SCHIP1: variants seen among roughly 807,000 people sequenced by gnomAD.
SCHIP1 encodes schwannomin interacting protein 1.
A neutral mutation model predicts 29.7 loss-of-function variants in SCHIP1; 8 were observed. The observed-to-expected ratio is 0.27, with a 90% CI of 0.16 to 0.49. SCHIP1 has a LOEUF of 0.49. SCHIP1 is among the 20% of genes least tolerant of loss of function. SCHIP1 has a pLI of 0.99. For missense variants in SCHIP1, 193 were observed against 294.6 expected (o/e 0.66, Z 2.52); for synonymous variants, 76 against 94.9 (o/e 0.80, Z 1.16).
At position 159,881,817 on chromosome 3, in the gene SCHIP1, C is replaced by G. The variant is rs373838352; in HGVS notation, c.150-4390C>G. On this transcript the variant is annotated intron_variant, in intron 2 of 6. Coordinates refer to ENST00000445224, the Ensembl canonical transcript of SCHIP1. ...TTCTCCTTAGGATCCTATAGGTCAGCTGGGTGGTTCTGTTCTGAGCTGGGC... is the reference window on the plus strand; with the variant it reads ...TTCTCCTTAGGATCCTATAGGTCAGGTGGGTGGTTCTGTTCTGAGCTGGGC... 2.0e-5 allele frequency among the ~76,000 whole-genome samples: 3 copies of G among 152,170 alleles called. No individual in the cohort carries two copies. In the South Asian group the frequency reaches 6.2e-4, roughly 32 times the overall value.
chr3:159,486,446 T>C, the SCHIP1 span, among the ~76,000 whole-genome samples: 1 of 152,222 alleles, frequency 6.6e-6, no homozygotes, highest in Non-Finnish European at 1.5e-5. Context: ...GGTTCATCCA[T>C]GTTGTCACAA....
At chr3:159,355,482 A>T in the SCHIP1 span, among the ~76,000 whole-genome samples, 1 of 152,206 alleles carries the variant, frequency 6.6e-6, no homozygotes, top group African/African-American at 2.4e-5. Context: ...ACAAGGTGAC[A>T]TCATATAAGA....
chr3:159,428,312 T>C, the SCHIP1 span, among the ~76,000 whole-genome samples: 2 of 151,782 alleles, frequency 1.3e-5, no homozygotes, highest in African/African-American at 2.4e-5. Context: ...AAAGGGCTAA[T>C]ATCCAGAATC....
At chr3:159,737,664 T>A in the SCHIP1 span, among the ~76,000 whole-genome samples, 20 of 152,358 alleles carry the variant, frequency 1.3e-4, no homozygotes, top group African/African-American at 4.6e-4. Flanking sequence ...GTAACCAAGA[T>A]CTCACAAGTG....
chr3:159,549,450 T>C, the SCHIP1 span, among the ~76,000 whole-genome samples: 1 of 152,166 alleles, frequency 6.6e-6, no homozygotes, highest in African/African-American at 2.4e-5. Context: ...TAAGGTTAAA[T>C]GAGTTCATAA....
the SCHIP1 span, among the ~76,000 whole-genome samples, chr3:159,618,436 G>C: frequency 7.0e-6 from 1 of 142,890 alleles, no homozygotes; most frequent in Middle Eastern, 3.2e-3. Flanking sequence ...TTCATATGCT[G>C]AACTGTTTAG....
At chr3:159,718,503 C>A in the SCHIP1 span, among the ~76,000 whole-genome samples, 1 of 152,210 alleles carries the variant, frequency 6.6e-6, no homozygotes, top group African/African-American at 2.4e-5. Context: ...ATCCCAAAAT[C>A]TCCTTAAGCT....
the SCHIP1 span, among the ~76,000 whole-genome samples, chr3:159,539,702 GGTATCTACT>G: frequency 7.4e-6 from 1 of 135,410 alleles, no homozygotes; most frequent in African/African-American, 2.5e-5. Flanking sequence ...CCATTTTGAC[GGTATCTACT>G]GTATCTACCT....
the SCHIP1 span, among the ~76,000 whole-genome samples, chr3:159,523,994 C>G: frequency 2.0e-5 from 3 of 152,240 alleles, no homozygotes; most frequent in African/African-American, 7.2e-5. Flanking sequence ...CCAGCCCCCA[C>G]TCAGCATTTC....
chr3:159,789,138 G>A, the SCHIP1 span, among the ~76,000 whole-genome samples: 1 of 151,986 alleles, frequency 6.6e-6, no homozygotes, highest in African/African-American at 2.4e-5. Flanking sequence ...TATACAGAGA[G>A]AGAGAGAGAG....
At chr3:159,738,261 A>T in the SCHIP1 span, among the ~76,000 whole-genome samples, 3 of 152,058 alleles carry the variant, frequency 2.0e-5, no homozygotes, top group South Asian at 2.1e-4. Context: ...ACAAAAAAAA[A>T]AAATAAAGAA....
chr3:159,731,037 A>G, the SCHIP1 span, among the ~76,000 whole-genome samples: 32 of 152,364 alleles, frequency 2.1e-4, no homozygotes, highest in African/African-American at 7.7e-4. Context: ...TGAAGATAGT[A>G]TGAGACTCTA....
At chr3:159,342,859 CTTTT>C in the SCHIP1 span, among the ~76,000 whole-genome samples, 1 of 152,008 alleles carries the variant, frequency 6.6e-6, no homozygotes, top group Non-Finnish European at 1.5e-5. Flanking sequence ...TAAAATTTTT[CTTTT>C]TTTAATACCC....
At chr3:159,503,030 A>G in the SCHIP1 span, among the ~76,000 whole-genome samples, 1 of 152,234 alleles carries the variant, frequency 6.6e-6, no homozygotes, top group Non-Finnish European at 1.5e-5. Flanking sequence ...CCCAGGAGAC[A>G]CTGGAAGTGT....
At chr3:159,289,389 A>ATC in the SCHIP1 span, among the ~76,000 whole-genome samples, 2 of 147,414 alleles carry the variant, frequency 1.4e-5, no homozygotes, top group Non-Finnish European at 3.0e-5. Flanking sequence ...CTATAAGTTC[A>ATC]TCAAACACAT....
chr3:159,521,717 C>T, the SCHIP1 span, among the ~76,000 whole-genome samples: 1 of 152,208 alleles, frequency 6.6e-6, no homozygotes, highest in Non-Finnish European at 1.5e-5. Context: ...CAAACCTTAA[C>T]CTCTGAAATA....
At chr3:159,563,196 C>A in the SCHIP1 span, among the ~76,000 whole-genome samples, 1 of 152,120 alleles carries the variant, frequency 6.6e-6, no homozygotes, top group Non-Finnish European at 1.5e-5. Flanking sequence ...GAAGATCAGA[C>A]CCCTATGAAT....
chr3:159,376,783 A>T, the SCHIP1 span, among the ~76,000 whole-genome samples: 2 of 152,128 alleles, frequency 1.3e-5, no homozygotes, highest in Non-Finnish European at 2.9e-5. Context: ...AGTGCACCGC[A>T]GCTTATGGGC....
the SCHIP1 span, among the ~76,000 whole-genome samples, chr3:159,401,746 G>A: frequency 1.3e-5 from 2 of 152,114 alleles, no homozygotes; most frequent in Non-Finnish European, 2.9e-5. Context: ...GTCCTGAATG[G>A]TATTGCCTAG....
Sources: gnomAD v4.1 joint callset for allele counts (sites outside exome capture counted in the v4.1 genomes callset) on GRCh38, gnomAD v4.1.1 for gene constraint, MANE v1.5 for transcripts, NCBI Gene and HGNC (gene_info 2026-07-23, HGNC 2026-07-21) for gene names.